The following WWP1 variants were observed in gnomAD, a reference collection of about 807,000 sequenced individuals.
WWP1 encodes the protein WW domain containing E3 ubiquitin protein ligase 1.
A neutral mutation model predicts 130.6 loss-of-function variants in WWP1; 49 were observed. The ratio of observed to expected loss-of-function variants is 0.38; its 90% CI spans 0.30 to 0.48. The LOEUF (loss-of-function observed/expected upper bound fraction) is 0.48. WWP1 is among the 20% of genes least tolerant of loss of function. The probability of loss-of-function intolerance (pLI) is 0.99; values close to 1 mark genes in which losing one functional copy is unlikely to be tolerated. For missense variants in WWP1, 809 were observed against 1,100.6 expected, an observed-to-expected ratio of 0.74 and a Z score of 3.75; for synonymous variants, 332 against 367.8, an observed-to-expected ratio of 0.90 and a Z score of 1.11.
chr8:86,413,081 T>C (rs1388886670), intron 9 of WWP1, among the ~76,000 whole-genome samples: 1 of 152,118 alleles, frequency 6.6e-6, no homozygotes, highest in Non-Finnish European at 1.5e-5. Flanking sequence ...CCCGCCTTGC[T>C]TCCCAAAGTG....
intron 9 of WWP1, among the ~76,000 whole-genome samples, chr8:86,419,152 G>T (rs1341719532): frequency 6.6e-6 from 1 of 152,172 alleles, no homozygotes; most frequent in Non-Finnish European, 1.5e-5. Context: ...GGGCGCGGTG[G>T]CTCCCGTCTG....
intron 17 of WWP1, among the ~76,000 whole-genome samples, chr8:86,441,059 T>A (rs1180980944): frequency 6.6e-6 from 1 of 152,230 alleles, no homozygotes; most frequent in African/African-American, 2.4e-5. Context: ...GTTAGGAATT[T>A]TTCTTCCTTT....
chr8:86,388,123 T>C (rs1206443319), intron 5 of WWP1, among the ~76,000 whole-genome samples: 3 of 152,172 alleles, frequency 2.0e-5, no homozygotes, highest in Non-Finnish European at 4.4e-5. Flanking sequence ...TCAGACTCTT[T>C]TGTGTTTGAA....
intron 8 of WWP1, among the ~76,000 whole-genome samples, chr8:86,407,975 A>C (rs1029598720): frequency 3.9e-5 from 6 of 152,198 alleles, no homozygotes; most frequent in African/African-American, 1.4e-4. Flanking sequence ...TGTGGGTTTG[A>C]GAAATGCATA....
intron 1 of WWP1, among the ~76,000 whole-genome samples, chr8:86,346,029 C>T (rs1822558008): frequency 6.6e-6 from 1 of 152,090 alleles, no homozygotes. Context: ...TAGTTACTGC[C>T]TTTAAATGAC....
At chr8:86,363,853 T>C (rs866036776) in intron 1 of WWP1, among the ~76,000 whole-genome samples, 1 of 151,190 alleles carries the variant, frequency 6.6e-6, no homozygotes, top group Admixed American at 6.6e-5. Flanking sequence ...ATTTATTAGG[T>C]ATTTATTCTG....
intron 5 of WWP1, among the ~76,000 whole-genome samples, 176 bp from the exon 6 acceptor site, chr8:86,398,166 G>C (rs1807783350): frequency 6.6e-6 from 1 of 152,154 alleles, no homozygotes; most frequent in African/African-American, 2.4e-5. Flanking sequence ...AGGTGATATT[G>C]AAAGCGTGGG....
intron 1 of WWP1, among the ~76,000 whole-genome samples, chr8:86,354,106 T>A (rs1174673654): frequency 6.6e-6 from 1 of 152,238 alleles, no homozygotes; most frequent in Non-Finnish European, 1.5e-5. Context: ...TGCTACTGTT[T>A]AAGTTAACTT....
chr8:86,455,528 C>T (rs926614883), intron 21 of WWP1, among the ~76,000 whole-genome samples: 1 of 151,878 alleles, frequency 6.6e-6, no homozygotes, highest in African/African-American at 2.4e-5. Flanking sequence ...TATGTATTAG[C>T]AACAGACACT....
At chr8:86,360,158 AACC>A (rs1012523532) in intron 1 of WWP1, among the ~76,000 whole-genome samples, 5 of 152,046 alleles carry the variant, frequency 3.3e-5, no homozygotes, top group African/African-American at 7.2e-5. Flanking sequence ...AAAAACAAAA[AACC>A]AAACCAAACC....
At chr8:86,408,024 T>G (rs551976718) in intron 8 of WWP1, among the ~76,000 whole-genome samples, 59 of 152,306 alleles carry the variant, frequency 3.9e-4, no homozygotes, top group African/African-American at 1.3e-3. Flanking sequence ...TACAGAATAG[T>G]TTTACTACTC....
chr8:86,425,859 TC>T (rs1421743341), intron 10 of WWP1, among the ~76,000 whole-genome samples: 1 of 152,206 alleles, frequency 6.6e-6, no homozygotes, highest in Admixed American at 6.5e-5. Flanking sequence ...AAACGAGTCT[TC>T]CTTTACCTTT....
intron 1 of WWP1, among the ~76,000 whole-genome samples, chr8:86,356,279 A>G (rs866999608): frequency 1.2e-4 from 18 of 151,936 alleles, no homozygotes; most frequent in South Asian, 2.1e-4. Context: ...ATCTCTTTTT[A>G]TATGTTAACT....
chr8:86,354,607 T>A (rs540595860), intron 1 of WWP1, among the ~76,000 whole-genome samples: 1 of 152,208 alleles, frequency 6.6e-6, no homozygotes, highest in African/African-American at 2.4e-5. Context: ...TGAATTAACA[T>A]TGTGTATCTA....
chr8:86,405,012 T>C (rs1290593407), intron 8 of WWP1: 2 of 152,248 alleles, frequency 1.3e-5, no homozygotes, highest in Non-Finnish European at 2.9e-5. Context: ...ACTGTCATCA[T>C]TCTATTGGCC....
intron 10 of WWP1, among the ~76,000 whole-genome samples, chr8:86,427,336 A>G (rs1809684285): frequency 6.6e-6 from 1 of 152,306 alleles, no homozygotes; most frequent in African/African-American, 2.4e-5. Flanking sequence ...ACCATGGCAC[A>G]TGTATACCTG....
At chr8:86,376,767 C>T (rs1824679707) in intron 3 of WWP1, among the ~76,000 whole-genome samples, 1 of 152,142 alleles carries the variant, frequency 6.6e-6, no homozygotes, top group Non-Finnish European at 1.5e-5. Context: ...TTGCTGCTCT[C>T]CTTTGAAATA....
intron 2 of WWP1, among the ~76,000 whole-genome samples, chr8:86,372,063 G>A (rs11992513): frequency 0.013 from 1,617 of 121,362 alleles, 38 homozygotes; most frequent in African/African-American, 0.049. Context: ...TCGCTCTGTC[G>A]CCCAGGCTGG....
In WWP1 at chr8:86,442,721, A is replaced by G. The variant is rs752583475; in HGVS notation, c.1941A>G (p.Ser647=). ...ATTGTCTGCAGATAAATCCAGCATC[A>G]ACCATTAATCCAGACCATCTTTCAT... is the stretch of plus-strand genomic sequence containing the variant. ...NNYCLQINPA[S]TINPDHLSYF... Residue 647 remains serine (S), a synonymous_variant, in exon 18 of 25, where the codon TCA becomes TCG. Coordinates refer to ENST00000517970, the MANE Select transcript of WWP1 (RefSeq NM_007013.4). 6.2e-7 allele frequency: 1 copy of G among 1,613,062 alleles called. No homozygotes were observed. Among genetic ancestry groups the G allele is most frequent in the Admixed American group, 1.7e-5 (1 of 59,986 alleles).
Sources: allele counts gnomAD v4.1 joint callset (sites outside exome capture counted in the v4.1 genomes callset), GRCh38; gene constraint gnomAD v4.1.1; transcripts MANE v1.5; gene names NCBI Gene and HGNC (gene_info 2026-07-23, HGNC 2026-07-21).